The following SLC38A9 variants were observed in gnomAD, a reference collection of about 807,000 sequenced individuals.
The protein encoded by SLC38A9 is solute carrier family 38 member 9.
A neutral mutation model predicts 62.3 loss-of-function variants in SLC38A9; 48 were observed. The ratio of observed to expected loss-of-function variants is 0.77; its 90% CI spans 0.61 to 0.98. The LOEUF is 0.98. Among genes scored for constraint, SLC38A9 ranks in the 50% least tolerant of loss-of-function variants. The pLI is 0.00. For missense variants in SLC38A9, 541 were observed against 679.8 expected, an observed-to-expected ratio of 0.80 and a Z score of 2.27; for synonymous variants, 204 against 227.7, an observed-to-expected ratio of 0.90 and a Z score of 0.94.
At chr5:55,710,962 A>G (rs1032837827) in intron 2 of SLC38A9, among the ~76,000 whole-genome samples, 6 of 151,858 alleles carry the variant, frequency 4.0e-5, no homozygotes, top group African/African-American at 1.4e-4. Flanking sequence ...TGCCTATCCT[A>G]CATATGTCAG....
intron 12 of SLC38A9, among the ~76,000 whole-genome samples, chr5:55,637,480 A>G (rs1412025265): frequency 6.6e-6 from 1 of 152,218 alleles, no homozygotes; most frequent in Non-Finnish European, 1.5e-5. Context: ...TGGAAATAAA[A>G]TGTCCCTTGA....
intron 11 of SLC38A9, among the ~76,000 whole-genome samples, chr5:55,647,186 TA>T (rs1746522875): frequency 2.3e-5 from 2 of 87,004 alleles, no homozygotes; most frequent in Non-Finnish European, 5.8e-5. Context: ...TTTTATTTTT[TA>T]TTTTTTTTTG....
At chr5:55,659,044 G>A (rs781336608) in intron 8 of SLC38A9, among the ~76,000 whole-genome samples, 1 of 151,886 alleles carries the variant, frequency 6.6e-6, no homozygotes, top group African/African-American at 2.4e-5. Flanking sequence ...TGATTATCTC[G>A]AGATGCAGAA....
At chr5:55,660,004 G>C (rs961953560) in intron 8 of SLC38A9, among the ~76,000 whole-genome samples, 1 of 150,962 alleles carries the variant, frequency 6.6e-6, no homozygotes, top group Admixed American at 6.6e-5. Context: ...CTGACCTCGT[G>C]ATCTGCCCGC....
intron 2 of SLC38A9, among the ~76,000 whole-genome samples, chr5:55,708,639 A>C (rs1757606063): frequency 6.6e-6 from 1 of 152,242 alleles, no homozygotes; most frequent in African/African-American, 2.4e-5. Flanking sequence ...TCTTTCTCAG[A>C]GACTAAAAAT....
chr5:55,662,304 C>T (rs1749715039), intron 8 of SLC38A9, among the ~76,000 whole-genome samples: 1 of 151,892 alleles, frequency 6.6e-6, no homozygotes, highest in Non-Finnish European at 1.5e-5. Context: ...ATACTATAAG[C>T]AATCAGAATG....
chr5:55,688,958 T>C lies in SLC38A9; in HGVS notation c.113+8888A>G, dbSNP rs555824348. ...TTAAGAGAAGTAAAACTAGAAGCCA[T>C]TCTGTATATGAAGTATAGGTAAATA... On this transcript the variant is annotated intron_variant, in intron 3 of 15. Transcript: ENST00000396865. Among the ~76,000 whole-genome samples, 3 of 149,574 alleles carry C rather than the reference T, an allele frequency of 2.0e-5. No homozygotes were observed. The South Asian group carries it at 6.5e-4, about 33-fold the overall frequency.
Position 55,656,696 on chromosome 5 carries a change from A to G in SLC38A9, c.757+19T>C, listed in dbSNP as rs1188770297. On this transcript the variant is annotated intron_variant, in intron 9 of 15. Coordinates refer to ENST00000396865, the MANE Select transcript of SLC38A9 (RefSeq NM_173514.4). The stretch of plus-strand genomic sequence containing the variant: ...CAAGGTGGAGAGTAAAGAAACAAAC[A>G]ACATCCCAAACTACTTACCAGGGTT... 1.7e-5 allele frequency: 26 copies of G among 1,567,212 alleles called. No individual in the cohort carries two copies. In the African/African-American group the frequency reaches 3.0e-4, roughly 18 times the overall value.
At chr5:55,637,232 C>T (rs150201190) in intron 12 of SLC38A9, among the ~76,000 whole-genome samples, 44 of 152,320 alleles carry the variant, frequency 2.9e-4, no homozygotes, top group African/African-American at 1.1e-3. Flanking sequence ...TACCTGATCA[C>T]CACGTTATTT....
chr5:55,682,454 T>C (rs1462842248), intron 3 of SLC38A9, among the ~76,000 whole-genome samples: 1 of 152,172 alleles, frequency 6.6e-6, no homozygotes, highest in Non-Finnish European at 1.5e-5. Flanking sequence ...TAGTACAGGA[T>C]GAGTTCAATT....
At chr5:55,644,142 G>GT (rs1745883183) in intron 12 of SLC38A9, among the ~76,000 whole-genome samples, 1 of 151,976 alleles carries the variant, frequency 6.6e-6, no homozygotes, top group Admixed American at 6.6e-5. Flanking sequence ...TGTATTTTTA[G>GT]TAGAGACAGG....
chr5:55,637,347 C>A lies in SLC38A9; in HGVS notation c.1168-1690G>T, dbSNP rs185900362. 3.4e-3 allele frequency among the ~76,000 whole-genome samples: 521 copies of A among 152,294 alleles called. 1 individual carries two copies. Among genetic ancestry groups the A allele is most frequent in the Non-Finnish European group, 5.7e-3 (389 of 68,024 alleles). ...AGCTTCCAACAAGACTTTTCCCTTC[C>A]GCTTCTCTGTTCTCACGGCACTATA... On this transcript the variant is annotated intron_variant, in intron 12 of 15. Transcript: ENST00000396865.
chr5:55,659,388 T>TG (rs1185727209), intron 8 of SLC38A9, among the ~76,000 whole-genome samples: 2 of 146,166 alleles, frequency 1.4e-5, no homozygotes, highest in East Asian at 2.0e-4. Flanking sequence ...GTTTTTTTTT[T>TG]TATTTTATTT....
chr5:55,639,489 T>A (rs1417058368), intron 12 of SLC38A9, among the ~76,000 whole-genome samples: 1 of 152,152 alleles, frequency 6.6e-6, no homozygotes, highest in Non-Finnish European at 1.5e-5. Context: ...GCCTTTTCTA[T>A]TCTTTTGTCT....
In SLC38A9 at chr5:55,664,706, T is replaced by C. The variant is rs1264412563; in HGVS notation, c.684A>G (p.Gly228=). Residue 228 remains glycine (G), a synonymous_variant, in exon 8 of 16, where the codon GGA becomes GGG. Coordinates refer to ENST00000396865, the MANE Select transcript of SLC38A9 (RefSeq NM_173514.4). ...VLMSNFLFNT[G]KFIFNFIHHI... ...ATAGATACTTACTAAAAATAAACTTTCCAGTATTAAAAAGAAAATTTGACA... is the reference window on the plus strand; with the variant it reads ...ATAGATACTTACTAAAAATAAACTTCCCAGTATTAAAAAGAAAATTTGACA... The C allele has an allele frequency of 4.5e-6, 7 of 1,544,462 alleles. No homozygotes were observed. The highest frequency in any genetic ancestry group is 6.1e-6 in the Non-Finnish European group (7 of 1,149,886).
At position 55,658,573 on chromosome 5, in the gene SLC38A9, C is replaced by T. The variant is rs575953788; in HGVS notation, c.698-1799G>A. On this transcript the variant is annotated intron_variant, in intron 8 of 15. Coordinates refer to ENST00000396865, the MANE Select transcript of SLC38A9 (RefSeq NM_173514.4). ...GCCAAGGAATGCCAAGGACCACCAG[C>T]AACCAACAAAGGTTAGGAAGAGGCA... 4.6e-5 allele frequency among the ~76,000 whole-genome samples: 7 copies of T among 152,330 alleles called. No individual in the cohort carries two copies. In the South Asian group the frequency reaches 1.0e-3, roughly 23 times the overall value.
At chr5:55,662,676 C>CA (rs200497047) in intron 8 of SLC38A9, among the ~76,000 whole-genome samples, 901 of 45,970 alleles carry the variant, frequency 0.02, 6 homozygotes, top group Middle Eastern at 0.033. Flanking sequence ...CTCAAAAAAA[C>CA]AAAAAAAAAC....
intron 13 of SLC38A9, 46 bp downstream of exon 13, chr5:55,635,498 C>A: frequency 7.4e-7 from 1 of 1,354,924 alleles, no homozygotes; most frequent in Non-Finnish European, 1.1e-6. Context: ...ACTATAAATA[C>A]ATGAAAGTGT....
At chr5:55,693,483 TAC>T (rs1476355724) in intron 3 of SLC38A9, 1 of 152,206 alleles carries the variant, frequency 6.6e-6, no homozygotes, top group Non-Finnish European at 1.5e-5. Context: ...AATACTGCAT[TAC>T]ACAACCTTGT....
Sources: gnomAD v4.1 joint callset for allele counts (sites outside exome capture counted in the v4.1 genomes callset) on GRCh38, gnomAD v4.1.1 for gene constraint, MANE v1.5 for transcripts, NCBI Gene and HGNC (gene_info 2026-07-23, HGNC 2026-07-21) for gene names.